CNTN5: variants seen among roughly 807,000 people sequenced by gnomAD.
CNTN5 encodes the protein contactin-5.
CNTN5 carries 77 observed loss-of-function variants against 129.1 expected under a neutral mutation model. That is an observed-to-expected ratio of 0.60 (90% CI 0.50 to 0.72). The LOEUF (loss-of-function observed/expected upper bound fraction) is 0.72, where lower values mean the gene tolerates loss of function less well. Ranked by LOEUF, CNTN5 falls within the 30% of genes least tolerant of loss-of-function variation. CNTN5 has a pLI of 0.00. For missense variants in CNTN5, 1,478 were observed against 1,328.8 expected (o/e 1.11, Z -1.75); for synonymous variants, 509 against 465.6 (o/e 1.09, Z -1.20).
chr11:99,089,248 T>C lies in CNTN5; in HGVS notation c.-210+67978T>C, dbSNP rs561682984. ...TATACAAATATTTTATAAACAATTA[T>C]ATTTATAGCAGAAAGCATACCAGCT... On this transcript the variant is annotated intron_variant, in intron 1 of 24. Coordinates refer to ENST00000524871, the MANE Select transcript of CNTN5 (RefSeq NM_014361.4). Among the ~76,000 whole-genome samples the C allele has an allele frequency of 7.1e-4, 108 of 152,246 alleles. 1 individual carries two copies. Among genetic ancestry groups the C allele is most frequent in the African/African-American group, 2.5e-3 (104 of 41,548 alleles).
chr11:99,200,397 C>A (rs1270143706), intron 1 of CNTN5, among the ~76,000 whole-genome samples: 5 of 152,196 alleles, frequency 3.3e-5, no homozygotes, highest in African/African-American at 1.2e-4. Flanking sequence ...CAGACCAAGA[C>A]AACCATCAGT....
At chr11:99,215,777 T>C (rs11218881) in intron 1 of CNTN5, among the ~76,000 whole-genome samples, 21,981 of 152,202 alleles carry the variant, frequency 0.14, 1,732 homozygotes, top group Middle Eastern at 0.27. Context: ...ACTGGTGCTT[T>C]TCAAAAGTAA....
At chr11:99,560,842 C>A (rs1228175739) in intron 3 of CNTN5, among the ~76,000 whole-genome samples, 1 of 151,966 alleles carries the variant, frequency 6.6e-6, no homozygotes, top group African/African-American at 2.4e-5. Flanking sequence ...TTACAATAAG[C>A]AAGAGAAGAA....
At chr11:99,381,923 C>T (rs1174197774) in intron 2 of CNTN5, among the ~76,000 whole-genome samples, 5 of 152,102 alleles carry the variant, frequency 3.3e-5, no homozygotes, top group Non-Finnish European at 5.9e-5. Context: ...GAAAGTGATC[C>T]ACCCATCTTC....
At chr11:99,482,808 T>C (rs1190874348) in intron 2 of CNTN5, among the ~76,000 whole-genome samples, 9 of 151,974 alleles carry the variant, frequency 5.9e-5, no homozygotes, top group Non-Finnish European at 1.5e-5. Flanking sequence ...TCACTAAAAT[T>C]AAAATCTTTT....
At chr11:99,688,923 C>G (rs1342832169) in intron 3 of CNTN5, among the ~76,000 whole-genome samples, 1 of 152,096 alleles carries the variant, frequency 6.6e-6, no homozygotes, top group Non-Finnish European at 1.5e-5. Context: ...CATGTCCCCG[C>G]AAACAACATG....
At chr11:99,195,026 GA>G (rs1858831751) in intron 1 of CNTN5, among the ~76,000 whole-genome samples, 1 of 152,090 alleles carries the variant, frequency 6.6e-6, no homozygotes, top group Non-Finnish European at 1.5e-5. Context: ...TGAATTTACT[GA>G]AAGGTGCAAT....
At chr11:100,352,969 A>G (rs996101454) in intron 24 of CNTN5, among the ~76,000 whole-genome samples, 6 of 151,480 alleles carry the variant, frequency 4.0e-5, no homozygotes, top group African/African-American at 1.2e-4. Flanking sequence ...TGTTTTCTAT[A>G]TATTATTTTA....
At chr11:99,257,079 G>A (rs1355805947) in intron 1 of CNTN5, among the ~76,000 whole-genome samples, 1 of 151,952 alleles carries the variant, frequency 6.6e-6, no homozygotes, top group Non-Finnish European at 1.5e-5. Context: ...TTTTTCTCAG[G>A]GTCTGTTACA....
At chr11:99,512,248 G>C (rs7951690) in intron 2 of CNTN5, among the ~76,000 whole-genome samples, 8,814 of 152,182 alleles carry the variant, frequency 0.058, 263 homozygotes, top group South Asian at 0.08. Flanking sequence ...ACATGCGTAA[G>C]GTTACTAACC....
At chr11:99,089,207 T>C (rs1866132355) in intron 1 of CNTN5, among the ~76,000 whole-genome samples, 1 of 152,140 alleles carries the variant, frequency 6.6e-6, no homozygotes, top group Non-Finnish European at 1.5e-5. Context: ...AAACTAATTG[T>C]AATTTCTATA....
At position 100,071,840 on chromosome 11, in the gene CNTN5, C is replaced by A. The variant is rs755600322; in HGVS notation, c.1429+6C>A. On this transcript the variant is annotated splice_donor_region_variant and intron_variant, in intron 12 of 24. Coordinates refer to ENST00000524871, the MANE Select transcript of CNTN5 (RefSeq NM_014361.4). ...TGCTGAGCTGAAGATTCTAGGTATG[C>A]AGTTTCTAAGTGAATAAATTGAAAA... The A allele has an allele frequency of 1.3e-6, 2 of 1,577,282 alleles. No homozygotes were observed. The highest frequency in any genetic ancestry group is 2.4e-5 in the South Asian group (2 of 84,098).
At chr11:100,049,543 C>T (rs1219181789) in intron 9 of CNTN5, among the ~76,000 whole-genome samples, 1 of 152,012 alleles carries the variant, frequency 6.6e-6, no homozygotes, top group African/African-American at 2.4e-5. Context: ...TGTAAATTCA[C>T]AAACTAAACC....
chr11:99,652,135 C>T lies in CNTN5; in HGVS notation c.55+95866C>T, dbSNP rs77754006. On this transcript the variant is annotated intron_variant, in intron 3 of 24. Transcript: ENST00000524871. ...GTCTTATCTCTCATCTGAAGGTCTT[C>T]CAAGGTGATTTAGGTTGTTGGAAGA... 2.2e-3 allele frequency among the ~76,000 whole-genome samples: 341 copies of T among 152,122 alleles called. 1 individual carries two copies. The highest frequency in any genetic ancestry group is 7.8e-3 in the African/African-American group (324 of 41,532).
chr11:99,419,588 C>G (rs1281164113), intron 2 of CNTN5, among the ~76,000 whole-genome samples: 2 of 152,042 alleles, frequency 1.3e-5, no homozygotes, highest in Admixed American at 6.6e-5. Context: ...AGTGACAATA[C>G]TAAGCCAGAG....
chr11:100,206,938 T>A (rs191007497), intron 15 of CNTN5, among the ~76,000 whole-genome samples: 1 of 152,132 alleles, frequency 6.6e-6, no homozygotes, highest in East Asian at 1.9e-4. Context: ...ATATCAGCAC[T>A]TTTTTATATC....
At chr11:100,044,320 T>C (rs958178313) in intron 9 of CNTN5, among the ~76,000 whole-genome samples, 2 of 152,106 alleles carry the variant, frequency 1.3e-5, no homozygotes, top group Non-Finnish European at 2.9e-5. Context: ...AATATAGTAA[T>C]TTATTTTCCT....
At chr11:99,305,878 G>A (rs1864851809) in intron 1 of CNTN5, among the ~76,000 whole-genome samples, 2 of 151,982 alleles carry the variant, frequency 1.3e-5, no homozygotes, top group African/African-American at 4.8e-5. Flanking sequence ...CTACTCGGGA[G>A]GCTGAGACAG....
intron 3 of CNTN5, among the ~76,000 whole-genome samples, chr11:99,676,560 G>A (rs1953293174): frequency 1.3e-5 from 2 of 152,142 alleles, no homozygotes; most frequent in South Asian, 4.1e-4. Flanking sequence ...AAGGGCTTCT[G>A]CCTATAAAAT....
Sources: allele counts gnomAD v4.1 joint callset (sites outside exome capture counted in the v4.1 genomes callset), GRCh38; gene constraint gnomAD v4.1.1; transcripts MANE v1.5; gene names NCBI Gene and HGNC (gene_info 2026-07-23, HGNC 2026-07-21).